UGT3A2: variants seen among roughly 807,000 people sequenced by gnomAD.
The protein encoded by UGT3A2 is UDP glycosyltransferase family 3 member A2, also known as UDP-glycosyltransferase 3A2.
In UGT3A2, 32 loss-of-function variants were observed where a neutral mutation model predicts 39.8. The observed-to-expected ratio is 0.80, with a 90% CI of 0.61 to 1.08. The LOEUF (loss-of-function observed/expected upper bound fraction) is 1.08. Ranked by LOEUF, UGT3A2 falls within the 50% of genes least tolerant of loss-of-function variation. The pLI is 0.00. For missense variants in UGT3A2, 611 were observed against 637.1 expected, an observed-to-expected ratio of 0.96 and a Z score of 0.44; for synonymous variants, 241 against 230.7, an observed-to-expected ratio of 1.04 and a Z score of -0.40.
At position 36,049,004 on chromosome 5, in the gene UGT3A2, T is replaced by C; in HGVS notation, c.728A>G (p.Lys243Arg). The change falls in exon 4 of 7, where the codon AAA (lysine) becomes AGA (arginine). Residue 243 changes from lysine to arginine, a missense_variant. Coordinates refer to ENST00000282507, the MANE Select transcript of UGT3A2 (RefSeq NM_174914.4). The part of the protein sequence containing the change: ...SRPVLSHLLL[K>R]AELWFINSDF... ...AGAGTTAATGAACCACAACTCTGCT[T>C]TCAGTAGAAGATGAGACAAAACTGG... The C allele has an allele frequency of 6.2e-7, 1 of 1,614,190 alleles. No homozygotes were observed. Among genetic ancestry groups the C allele is most frequent in the Non-Finnish European group, 8.5e-7 (1 of 1,180,034 alleles).
At chr5:36,046,654 A>T (rs1742176349) in intron 4 of UGT3A2, among the ~76,000 whole-genome samples, 1 of 152,170 alleles carries the variant, frequency 6.6e-6, no homozygotes, top group Non-Finnish European at 1.5e-5. Flanking sequence ...AATGGTACGA[A>T]AATATAGTTA....
intron 4 of UGT3A2, among the ~76,000 whole-genome samples, chr5:36,039,998 G>C (rs1741956633): frequency 6.6e-6 from 1 of 152,162 alleles, no homozygotes; most frequent in African/African-American, 2.4e-5. Flanking sequence ...TCAGACTAGA[G>C]GTAATAGTAT....
intron 3 of UGT3A2, among the ~76,000 whole-genome samples, chr5:36,050,264 G>A (rs920285882): frequency 2.0e-5 from 3 of 152,040 alleles, no homozygotes; most frequent in East Asian, 1.9e-4. Flanking sequence ...GCAAAGGGAC[G>A]ATTCTTTTGC....
chr5:36,063,368 C>T (rs1742772433), intron 2 of UGT3A2, among the ~76,000 whole-genome samples: 1 of 152,140 alleles, frequency 6.6e-6, no homozygotes, highest in Non-Finnish European at 1.5e-5. Context: ...GATTTATGAG[C>T]TTCATTTTGG....
At chr5:36,055,935 T>C (rs1742497283) in intron 2 of UGT3A2, among the ~76,000 whole-genome samples, 1 of 152,222 alleles carries the variant, frequency 6.6e-6, no homozygotes, top group Non-Finnish European at 1.5e-5. Flanking sequence ...CTAGTCATTA[T>C]CTTGTCCTAT....
intron 3 of UGT3A2, 48 bp from the exon 4 acceptor site, chr5:36,049,468 A>G: frequency 7.2e-7 from 1 of 1,395,042 alleles, no homozygotes; most frequent in Non-Finnish European, 9.7e-7. Context: ...TGTTAAATTT[A>G]CAGTACATAA....
chr5:36,047,077 T>A (rs1336956975), intron 4 of UGT3A2, among the ~76,000 whole-genome samples: 2 of 152,210 alleles, frequency 1.3e-5, no homozygotes, highest in African/African-American at 4.8e-5. Context: ...AAGTGATTAT[T>A]TCTGTAAATT....
intron 5 of UGT3A2, among the ~76,000 whole-genome samples, chr5:36,038,413 T>C (rs1741900800): frequency 6.6e-6 from 1 of 152,214 alleles, no homozygotes. Context: ...TTGAGCCCTC[T>C]TTTATCCACT....
chr5:36,059,393 A>T (rs1481347262), intron 2 of UGT3A2, among the ~76,000 whole-genome samples: 7 of 129,966 alleles, frequency 5.4e-5, no homozygotes, highest in African/African-American at 1.5e-4. Flanking sequence ...AGTTTGGTAC[A>T]TATCATCTTT....
chr5:36,049,378 C>T lies in UGT3A2; in HGVS notation c.354G>A (p.Ala118=), dbSNP rs191531345. ...ENLLNVLEYL[A]LQCSHFLNRK... is the part of the protein sequence containing the mutation. ...TATTTAAAAAATGACTGCACTGCAA[C>T]GCCAAGTATTCTAGAACATTTAATA... The change falls in exon 4 of 7, where the codon GCG becomes GCA. Residue 118 remains alanine, a synonymous_variant. Transcript: ENST00000282507. The T allele has an allele frequency of 3.2e-5, 51 of 1,592,562 alleles. No individual in the cohort carries two copies. In the East Asian group the frequency reaches 4.0e-4, roughly 13 times the overall value.
chr5:36,037,931 C>A lies in UGT3A2; in HGVS notation c.1161G>T (p.Gly387=), dbSNP rs141880050. ...EAIQHGVPMV[G]IPLFGDQPEN... ...CAGGCTGGTCTCCAAAGAGAGGGAT[C>A]CCCACCATGGGCACACCATGCTGGA... The change falls in exon 6 of 7, where the codon GGG becomes GGT. Residue 387 remains glycine (G), a synonymous_variant. Coordinates refer to ENST00000282507, the MANE Select transcript of UGT3A2 (RefSeq NM_174914.4). 5 of 1,614,174 alleles carry A rather than the reference C, an allele frequency of 3.1e-6. No homozygotes were observed. The highest frequency in any genetic ancestry group is 3.3e-4 in the Middle Eastern group (2 of 6,062).
At chr5:36,049,585 C>G (rs1012539847) in intron 3 of UGT3A2, among the ~76,000 whole-genome samples, 165 bp from the exon 4 acceptor site, 2 of 152,138 alleles carry the variant, frequency 1.3e-5, no homozygotes, top group Non-Finnish European at 2.9e-5. Flanking sequence ...CATAATTATC[C>G]TGGCTTAAAT....
At chr5:36,054,547 G>T (rs1300861349) in intron 2 of UGT3A2, among the ~76,000 whole-genome samples, 1 of 152,032 alleles carries the variant, frequency 6.6e-6, no homozygotes, top group African/African-American at 2.4e-5. Flanking sequence ...TGAGAGTCTG[G>T]GTGTAATCCA....
At chr5:36,053,762 C>T (rs1256339826) in intron 2 of UGT3A2, among the ~76,000 whole-genome samples, 1 of 152,198 alleles carries the variant, frequency 6.6e-6, no homozygotes, top group Non-Finnish European at 1.5e-5. Flanking sequence ...GTGGGTAGAG[C>T]TGCATTTCTT....
chr5:36,040,012 G>T (rs986269074), intron 4 of UGT3A2, among the ~76,000 whole-genome samples: 5 of 152,140 alleles, frequency 3.3e-5, no homozygotes, highest in Admixed American at 3.3e-4. Context: ...ATAGTATCTG[G>T]AAGAGTACTA....
intron 2 of UGT3A2, among the ~76,000 whole-genome samples, chr5:36,059,937 A>G (rs376397109): frequency 3.7e-4 from 57 of 152,192 alleles, no homozygotes; most frequent in African/African-American, 1.3e-3. Context: ...GACTGGAGGG[A>G]CTCATGGATT....
At chr5:36,064,385 T>C (rs1390542149) in intron 1 of UGT3A2, 35 bp from the exon 2 acceptor site, 8 of 1,566,036 alleles carry the variant, frequency 5.1e-6, no homozygotes, top group Middle Eastern at 1.7e-4. Context: ...TCTGGAATGA[T>C]GAGAATACAG....
intron 4 of UGT3A2, among the ~76,000 whole-genome samples, chr5:36,044,060 T>C (rs960442534): frequency 2.0e-5 from 3 of 151,986 alleles, no homozygotes; most frequent in Admixed American, 2.0e-4. Flanking sequence ...GGCTAATATC[T>C]CTGATGAATA....
rs963010880 is a variant in UGT3A2, at chr5:36,035,438, C to T, written c.*260G>A. ...TCCAAGTCACTCAGAGACAGAATCA[C>T]AGCATAGCCCTTGCTGATGGCAAAC... On this transcript the variant is annotated 3_prime_UTR_variant, in exon 7 of 7. Coordinates refer to ENST00000282507, the MANE Select transcript of UGT3A2 (RefSeq NM_174914.4). The T allele has an allele frequency of 1.5e-5, 7 of 480,398 alleles. No individual in the cohort carries two copies. The highest frequency in any genetic ancestry group is 1.4e-4 in the African/African-American group (7 of 51,570). The allele number at this position is 480,398 out of a possible 1,614,324, so 29.8% of individuals were successfully genotyped here.
Sources: gnomAD v4.1 joint callset for allele counts (sites outside exome capture counted in the v4.1 genomes callset) on GRCh38, gnomAD v4.1.1 for gene constraint, MANE v1.5 for transcripts, NCBI Gene and HGNC (gene_info 2026-07-23, HGNC 2026-07-21) for gene names.